Variants in DLG2 observed in about 807,000 individuals in gnomAD.
DLG2 encodes discs large MAGUK scaffold protein 2.
In DLG2, 45 loss-of-function variants were observed where a neutral mutation model predicts 132.5. The observed-to-expected ratio is 0.34, with a 90% CI of 0.27 to 0.44. The LOEUF (loss-of-function observed/expected upper bound fraction) is 0.44, where lower values mean the gene tolerates loss of function less well. DLG2 is among the 20% of genes least tolerant of loss of function. DLG2 has a pLI of 1.00. For missense variants in DLG2, 1,045 were observed against 1,196.9 expected (o/e 0.87, Z 1.87); for synonymous variants, 424 against 419.6 (o/e 1.01, Z -0.13).
At chr11:84,021,972 C>G (rs1224034757) in intron 11 of DLG2, among the ~76,000 whole-genome samples, 3 of 152,084 alleles carry the variant, frequency 2.0e-5, no homozygotes, top group African/African-American at 4.8e-5. Context: ...GTCTTAAACT[C>G]CCAACCTCAG....
At chr11:85,155,856 A>G (rs1189938156) in intron 4 of DLG2, among the ~76,000 whole-genome samples, 1 of 147,266 alleles carries the variant, frequency 6.8e-6, no homozygotes, top group African/African-American at 2.6e-5. Flanking sequence ...AAGACTCTGT[A>G]TCAAAAAAAA....
intron 11 of DLG2, among the ~76,000 whole-genome samples, chr11:83,999,409 C>A (rs915028641): frequency 6.6e-6 from 1 of 152,140 alleles, no homozygotes; most frequent in African/African-American, 2.4e-5. Flanking sequence ...CCAGTGTATA[C>A]CACTCAGGAC....
At chr11:83,661,153 G>C (rs1044284712) in intron 18 of DLG2, among the ~76,000 whole-genome samples, 1 of 152,046 alleles carries the variant, frequency 6.6e-6, no homozygotes, top group Non-Finnish European at 1.5e-5. Context: ...TTGTGCTGTG[G>C]GGGATGTGCT....
intron 7 of DLG2, among the ~76,000 whole-genome samples, chr11:84,408,965 C>T (rs948725963): frequency 6.6e-6 from 1 of 152,172 alleles, no homozygotes; most frequent in Non-Finnish European, 1.5e-5. Context: ...AACGATCCTG[C>T]TGCTAATCTG....
intron 5 of DLG2, among the ~76,000 whole-genome samples, chr11:85,154,091 C>A (rs1224108097): frequency 8.0e-6 from 1 of 125,208 alleles, no homozygotes; most frequent in Non-Finnish European, 1.6e-5. Flanking sequence ...TCTAAGTATT[C>A]ATGAGCCCAT....
At chr11:84,708,126 T>A (rs1311677217) in intron 6 of DLG2, among the ~76,000 whole-genome samples, 3 of 151,728 alleles carry the variant, frequency 2.0e-5, no homozygotes, top group African/African-American at 7.3e-5. Flanking sequence ...ATCTGAAAAA[T>A]ATTATGGAGA....
chr11:83,666,105 GT>G (rs577995079), intron 18 of DLG2, among the ~76,000 whole-genome samples: 7 of 152,050 alleles, frequency 4.6e-5, no homozygotes, highest in Admixed American at 3.3e-4. Context: ...TTATTCAATA[GT>G]TTTTTATACA....
At chr11:85,455,536 T>G (rs1456087099) in intron 3 of DLG2, among the ~76,000 whole-genome samples, 1 of 152,116 alleles carries the variant, frequency 6.6e-6, no homozygotes, top group African/African-American at 2.4e-5. Context: ...GCCTGACTCC[T>G]TGGGCCAGGA....
At chr11:83,576,765 C>T (rs1242563271) in intron 19 of DLG2, among the ~76,000 whole-genome samples, 2 of 152,086 alleles carry the variant, frequency 1.3e-5, no homozygotes, top group Non-Finnish European at 2.9e-5. Flanking sequence ...CAGATGTGCA[C>T]TTAAAGAAGT....
At chr11:84,941,105 T>C (rs112324423) in intron 6 of DLG2, among the ~76,000 whole-genome samples, 8 of 152,324 alleles carry the variant, frequency 5.3e-5, no homozygotes, top group African/African-American at 1.9e-4. Context: ...TCTATGCCAG[T>C]AATATGCTGT....
chr11:85,261,201 TG>T (rs1353505176), intron 4 of DLG2, among the ~76,000 whole-genome samples: 2 of 152,146 alleles, frequency 1.3e-5, no homozygotes, highest in Admixed American at 6.6e-5. Flanking sequence ...TATAGGGTCA[TG>T]CTGGAGGGGC....
At chr11:85,014,570 C>G (rs1169955060) in intron 6 of DLG2, among the ~76,000 whole-genome samples, 1 of 152,154 alleles carries the variant, frequency 6.6e-6, no homozygotes, top group Non-Finnish European at 1.5e-5. Flanking sequence ...ATATTTCTGG[C>G]TCTGCCCATG....
intron 7 of DLG2, among the ~76,000 whole-genome samples, chr11:84,261,100 T>G (rs2097543059): frequency 1.3e-5 from 2 of 152,218 alleles, no homozygotes; most frequent in Non-Finnish European, 2.9e-5. Flanking sequence ...TATCCAGATT[T>G]AGGTGCCAGA....
intron 18 of DLG2, among the ~76,000 whole-genome samples, chr11:83,772,136 G>A (rs2094418913): frequency 6.6e-6 from 1 of 152,076 alleles, no homozygotes; most frequent in Admixed American, 6.5e-5. Context: ...GGCCGGGTGC[G>A]GTGGCTCATG....
chr11:85,539,365 T>C (rs1273054852), intron 3 of DLG2, among the ~76,000 whole-genome samples: 2 of 152,232 alleles, frequency 1.3e-5, no homozygotes, highest in Non-Finnish European at 2.9e-5. Context: ...ATTAAATGAA[T>C]TGTTATGCTT....
intron 6 of DLG2, among the ~76,000 whole-genome samples, chr11:84,552,564 C>T (rs961915633): frequency 6.6e-6 from 1 of 152,212 alleles, no homozygotes; most frequent in African/African-American, 2.4e-5. Flanking sequence ...GGTCAGAACT[C>T]ATAGTTACCT....
chr11:84,264,138 T>C lies in DLG2; in HGVS notation c.520-12847A>G, dbSNP rs868572088. On this transcript the variant is annotated intron_variant, in intron 7 of 27. Coordinates refer to ENST00000376104, the MANE Select transcript of DLG2 (RefSeq NM_001142699.3). ...GAGACGTGAATGGGGACTAGAAACA[T>C]AGAGGTTCACTAAATACTGCTGGCA... 6.6e-5 allele frequency among the ~76,000 whole-genome samples: 10 copies of C among 152,202 alleles called. No individual in the cohort carries two copies. In the South Asian group the frequency reaches 2.1e-3, roughly 32 times the overall value.
In DLG2 at chr11:84,018,476, T is replaced by C. The variant is rs1593188835; in HGVS notation, c.920-37834A>G. On this transcript the variant is annotated intron_variant, in intron 11 of 27. Transcript: ENST00000376104. Reference sequence around the variant, plus strand: ...TGGCTCTTTGCAAAATTATTCCAGATAATAAATAGAAACAAAATTGATAGA... The same window carrying C: ...TGGCTCTTTGCAAAATTATTCCAGACAATAAATAGAAACAAAATTGATAGA... Among the ~76,000 whole-genome samples, 3 of 152,056 alleles carry C rather than the reference T, an allele frequency of 2.0e-5. No individual in the cohort carries two copies. In the South Asian group the frequency reaches 6.2e-4, roughly 32 times the overall value.
At chr11:84,928,327 G>T (rs535837154) in intron 6 of DLG2, among the ~76,000 whole-genome samples, 1 of 152,028 alleles carries the variant, frequency 6.6e-6, no homozygotes, top group South Asian at 2.1e-4. Flanking sequence ...CTTGCCAGCT[G>T]TGTGACCTTG....
Sources: gnomAD v4.1 joint callset for allele counts (sites outside exome capture counted in the v4.1 genomes callset) on GRCh38, gnomAD v4.1.1 for gene constraint, MANE v1.5 for transcripts, NCBI Gene and HGNC (gene_info 2026-07-23, HGNC 2026-07-21) for gene names.